FIZ1: variants seen among roughly 807,000 people sequenced by gnomAD.
The protein encoded by FIZ1 is FLT3 interacting zinc finger 1, also known as flt3-interacting zinc finger protein 1.
FIZ1 carries 2 observed loss-of-function variants against 5.3 expected under a neutral mutation model. The observed-to-expected ratio is 0.37, with a 90% CI of 0.15 to 1.18. The LOEUF (loss-of-function observed/expected upper bound fraction) is 1.18, where lower values mean the gene tolerates loss of function less well. Among genes scored for constraint, FIZ1 ranks in the 50% most tolerant of loss-of-function variants. FIZ1 has a pLI of 0.37. For missense variants in FIZ1, 631 were observed against 749.7 expected, an observed-to-expected ratio of 0.84 and a Z score of 1.85; for synonymous variants, 407 against 364.2, an observed-to-expected ratio of 1.12 and a Z score of -1.34.
chr19:55,598,174 G>A lies in FIZ1; in HGVS notation c.-36-273C>T, dbSNP rs573893615. 9.2e-5 allele frequency: 40 copies of A among 433,466 alleles called. 1 individual carries two copies. In the South Asian group the frequency reaches 1.3e-3, roughly 14 times the overall value. 26.9% of individuals were successfully genotyped at this position (433,466 alleles called of 1,614,324 possible). ...CTCTCCTCGCTCTTCGCCAATGCGC[G>A]GCCACTGCTCTCTGTGCCCCTCCCA... On this transcript the variant is annotated intron_variant, in intron 1 of 2. Coordinates refer to ENST00000221665, the MANE Select transcript of FIZ1 (RefSeq NM_032836.3).
rs538008947 is a variant in FIZ1 at position 55,595,114 on chromosome 19, CAGAG to C, written c.295-1472_295-1469del. On this transcript the variant is annotated intron_variant, in intron 2 of 2. Coordinates refer to ENST00000221665, the MANE Select transcript of FIZ1 (RefSeq NM_032836.3). ...TTGTTGATTTAAGATTTTGGAATAA[CAGAG>C]AGAGATTTGTGAGTATGGTAATGTC... 3.4e-4 allele frequency among the ~76,000 whole-genome samples: 51 copies of C among 152,228 alleles called. 2 individuals are homozygous for C. The South Asian group carries it at 9.3e-3, about 28-fold the overall frequency.
At chr19:55,594,398 C>CA (rs1209856747) in intron 2 of FIZ1, among the ~76,000 whole-genome samples, 6,443 of 63,600 alleles carry the variant, frequency 0.1, 327 homozygotes, top group Non-Finnish European at 0.14. Flanking sequence ...GACTCTGTCT[C>CA]AAAAAAAAAA....
chr19:55,595,152 G>A (rs1451521408), intron 2 of FIZ1, among the ~76,000 whole-genome samples: 3 of 152,166 alleles, frequency 2.0e-5, no homozygotes, highest in Non-Finnish European at 2.9e-5. Context: ...TCTTCCTGGA[G>A]GCCTGTGAGG....
In FIZ1 at chr19:55,592,522, G is replaced by A. The variant is rs1264856731; in HGVS notation, c.1419C>T (p.His473=). 3 of 1,605,072 alleles carry A rather than the reference G, an allele frequency of 1.9e-6. No individual in the cohort carries two copies. The highest frequency in any genetic ancestry group is 1.7e-6 in the Non-Finnish European group (2 of 1,176,168). ...LHGTERPFPC[H]ICGKGFITLS... ...GCGTGATGAAGCCCTTGCCGCAGAT[G>A]TGGCAAGGGAAGGGCCGCTCGGTGC... The change falls in exon 3 of 3, where the codon CAC becomes CAT. Residue 473 remains histidine, a synonymous_variant. Transcript: ENST00000221665. This position sits in a 1 kb window ranked among gnomAD's most constrained non-coding sequence, Gnocchi z 6.9.
chr19:55,592,257 T>C lies in FIZ1; in HGVS notation c.*193A>G. ...GCCCCAGCTAAGGACCCTGTTTGTTTGTGGTCCCCCAGCTCCGGGGCCTTT... is the reference window on the plus strand; with the variant it reads ...GCCCCAGCTAAGGACCCTGTTTGTTCGTGGTCCCCCAGCTCCGGGGCCTTT... On this transcript the variant is annotated 3_prime_UTR_variant, in exon 3 of 3. Transcript: ENST00000221665. This position sits in a 1 kb window ranked among gnomAD's most constrained non-coding sequence, Gnocchi z 6.9. 1.6e-6 allele frequency: 1 copy of C among 615,832 alleles called. No homozygotes were observed. Among genetic ancestry groups the C allele is most frequent in the Non-Finnish European group, 2.7e-6 (1 of 365,550 alleles). 38.1% of individuals were successfully genotyped at this position (615,832 alleles called of 1,614,324 possible).
At position 55,593,376 on chromosome 19, in the gene FIZ1, C is replaced by T. The variant is rs1177315704; in HGVS notation, c.565G>A (p.Ala189Thr). Residue 189 changes from alanine to threonine, a missense_variant, in exon 3 of 3, where the codon GCG (alanine) becomes ACG (threonine). Around this residue, in one of 4 missense-constraint regions of FIZ1, gnomAD observed 463 missense variants for 455.1 expected, o/e 1.02. Transcript: ENST00000221665. This position sits in a 1 kb window ranked among gnomAD's most constrained non-coding sequence, Gnocchi z 6.3. ...AAGGAGGCCGCGGCCGCAGCTGCCG[C>T]CTCTGCCAGCCCCCAGCTGCCCAGA... ...AGLGSWGLAEAAAAAAASLPP... is the reference protein window; with the variant it reads ...AGLGSWGLAETAAAAAASLPP... 7.3e-7 allele frequency: 1 copy of T among 1,374,842 alleles called. No homozygotes were observed. The highest frequency in any genetic ancestry group is 1.5e-5 in the African/African-American group (1 of 64,730). The allele number at this position is 1,374,842 out of a possible 1,614,324, so 85.2% of individuals were successfully genotyped here.
At chr19:55,597,428 G>C (rs1001117180) in intron 2 of FIZ1, 144 bp downstream of exon 2, 1 of 1,415,220 alleles carries the variant, frequency 7.1e-7, no homozygotes, top group African/African-American at 1.4e-5. Context: ...TGCTTTGGTA[G>C]GGAGGGAGGG....
Position 55,593,433 on chromosome 19 carries a change from C to T in FIZ1, c.508G>A (p.Gly170Ser), listed in dbSNP as rs2123552305. The T allele has an allele frequency of 2.0e-6, 3 of 1,528,574 alleles. No homozygotes were observed. Among genetic ancestry groups the T allele is most frequent in the African/African-American group, 1.4e-5 (1 of 71,498 alleles). 94.7% of individuals were successfully genotyped at this position (1,528,574 alleles called of 1,614,324 possible). The change falls in exon 3 of 3, where the codon GGC (glycine) becomes AGC (serine). Residue 170 changes from glycine (G) to serine (S), a missense_variant. Around this residue, in one of 4 missense-constraint regions of FIZ1, gnomAD observed 463 missense variants for 455.1 expected, o/e 1.02. Transcript: ENST00000221665. The surrounding 1 kb of genome is among the most constrained non-coding windows in gnomAD (Gnocchi z 6.3). ...CCTGCCCCCTCGGGGCCCTCTCCGC[C>T]GCCGGCCCCTGAGCCCCCGCACACC... ...CSVCGGSGAG[G>S]GEGPEGAGAG...
chr19:55,594,083 G>C (rs1980193948), intron 2 of FIZ1, among the ~76,000 whole-genome samples: 3 of 151,224 alleles, frequency 2.0e-5, no homozygotes, highest in African/African-American at 4.9e-5. Context: ...GTGAGACTGT[G>C]TCTCAAAAAA....
chr19:55,596,235 G>C (rs889386034), intron 2 of FIZ1, among the ~76,000 whole-genome samples: 1 of 152,118 alleles, frequency 6.6e-6, no homozygotes, highest in Non-Finnish European at 1.5e-5. Flanking sequence ...TGGATGTGAG[G>C]GAGAGAGACA....
chr19:55,592,901 CTG>C lies in FIZ1; in HGVS notation c.1038_1039del (p.His348ProfsTer35). On this transcript the variant is annotated frameshift_variant, in exon 3 of 3. Coordinates refer to ENST00000221665, the MANE Select transcript of FIZ1 (RefSeq NM_032836.3). LOFTEE classifies it low-confidence loss of function (END_TRUNC). This position sits in a 1 kb window ranked among gnomAD's most constrained non-coding sequence, Gnocchi z 6.9. ...CGGGCCCGAGTGGGCCTCCAGGTGA[CTG>C]GCCAGGGCCGCGGCCGACGCAAAGA... 6.5e-7 allele frequency: 1 copy of C among 1,540,970 alleles called. No individual in the cohort carries two copies. The highest frequency in any genetic ancestry group is 8.7e-7 in the Non-Finnish European group (1 of 1,150,884).
At position 55,597,817 on chromosome 19, in the gene FIZ1, C is replaced by T. The variant is rs904017293; in HGVS notation, c.49G>A (p.Ala17Thr). Residue 17 changes from alanine (A) to threonine (T), a missense_variant, in exon 2 of 3, where the codon GCC becomes ACC. Physicochemically the swap from Ala to Thr is moderately conservative, Grantham distance 58. Coordinates refer to ENST00000221665, the MANE Select transcript of FIZ1 (RefSeq NM_032836.3). ...CAGTGAAACGGGACCCTGGGGGCGG[C>T]AGCGGCGGGCGGTGCTGGTGCAGGG... ...PTPAPAPPAA[A>T]APRVPFHCSE... 5 of 1,611,408 alleles carry T rather than the reference C, an allele frequency of 3.1e-6. No homozygotes were observed. The African/African-American group carries it at 5.4e-5, about 17-fold the overall frequency.
At position 55,592,299 on chromosome 19, in the gene FIZ1, C is replaced by T; in HGVS notation, c.*151G>A. The stretch of plus-strand genomic sequence containing the variant: ...GGGGCCTTTGTGGGTTTTTGGTGGC[C>T]CCCACCTCTCCAGTCAGGGTCCCCT... On this transcript the variant is annotated 3_prime_UTR_variant, in exon 3 of 3. Coordinates refer to ENST00000221665, the MANE Select transcript of FIZ1 (RefSeq NM_032836.3). This position sits in a 1 kb window ranked among gnomAD's most constrained non-coding sequence, Gnocchi z 6.9. 3 of 841,674 alleles carry T rather than the reference C, an allele frequency of 3.6e-6. No individual in the cohort carries two copies. Among genetic ancestry groups the T allele is most frequent in the Non-Finnish European group, 3.5e-6 (2 of 567,696 alleles). 52.1% of individuals were successfully genotyped at this position (841,674 alleles called of 1,614,324 possible). A position where few individuals can be genotyped will look rare whatever the true frequency, so the allele number is the denominator to read the frequency against.
chr19:55,593,257 G>T lies in FIZ1; in HGVS notation c.684C>A (p.Phe228Leu). 1.6e-6 allele frequency: 2 copies of T among 1,274,072 alleles called. No homozygotes were observed. The highest frequency in any genetic ancestry group is 1.0e-6 in the Non-Finnish European group (1 of 1,001,932). The allele number at this position is 1,274,072 out of a possible 1,614,324, so 78.9% of individuals were successfully genotyped here. The change falls in exon 3 of 3, where the codon TTC (phenylalanine) becomes TTA (leucine). Residue 228 changes from phenylalanine (F) to leucine (L), a missense_variant. Transcript: ENST00000221665. The surrounding 1 kb of genome is among the most constrained non-coding windows in gnomAD (Gnocchi z 6.3). ...AGTCGCGCTCGCAGCGCGGGCACTT[G>T]AAGGGCTTCACGTCGGTGTGCGCCG... Reference protein sequence around the residue: ...HWAAHTDVKPFKCPRCERDFN... With the variant: ...HWAAHTDVKPLKCPRCERDFN...
Position 55,592,164 on chromosome 19 carries a change from T to C in FIZ1, c.*286A>G. The stretch of plus-strand genomic sequence containing the variant: ...TGCAAAGTCCCCATGTCTTGGGGAC[T>C]TACGGCTACCCACACTCATTCCAGG... On this transcript the variant is annotated 3_prime_UTR_variant, in exon 3 of 3. Transcript: ENST00000221665. The surrounding 1 kb of genome is among the most constrained non-coding windows in gnomAD (Gnocchi z 6.9). The C allele has an allele frequency of 2.2e-6, 1 of 459,620 alleles. No homozygotes were observed. Among genetic ancestry groups the C allele is most frequent in the Non-Finnish European group, 3.8e-6 (1 of 260,094 alleles). The allele number at this position is 459,620 out of a possible 1,614,324, so 28.5% of individuals were successfully genotyped here. A position where few individuals can be genotyped will look rare whatever the true frequency, so the allele number is the denominator to read the frequency against.
rs1242141922 is a variant in FIZ1 at position 55,591,619 on chromosome 19, GCGTGGACCGGTC to G, written c.*819_*830del. The G allele has an allele frequency of 6.6e-6, 1 of 152,370 alleles. No individual in the cohort carries two copies. Among genetic ancestry groups the G allele is most frequent in the African/African-American group, 2.4e-5 (1 of 41,432 alleles). The allele number at this position is 152,370 out of a possible 1,614,324, so 9.4% of individuals were successfully genotyped here. On this transcript the variant is annotated 3_prime_UTR_variant, in exon 3 of 3. Transcript: ENST00000221665. The stretch of plus-strand genomic sequence containing the variant: ...AGATGAGTTCACAGGATAAAGAATT[GCGTGGACCGGTC>G]CACACGCTACAGGAAAAGAGAGGAG...
Position 55,592,584 on chromosome 19 carries a change from G to A in FIZ1, c.1357C>T (p.His453Tyr). ...PCLECGKFFR[H>Y]ECYLKRHRLL... ...CGGTGGCGCTTGAGGTAGCACTCGT[G>A]GCGGAAGAACTTGCCGCACTCCAGG... is the stretch of plus-strand genomic sequence containing the variant. Residue 453 changes from histidine to tyrosine, a missense_variant, in exon 3 of 3, where the codon CAC becomes TAC. Physicochemically the swap from His to Tyr is moderately conservative, Grantham distance 83 (BLOSUM62 2). Coordinates refer to ENST00000221665, the MANE Select transcript of FIZ1 (RefSeq NM_032836.3). The surrounding 1 kb of genome is among the most constrained non-coding windows in gnomAD (Gnocchi z 6.9). The A allele has an allele frequency of 6.2e-7, 1 of 1,613,222 alleles. No homozygotes were observed. Among genetic ancestry groups the A allele is most frequent in the Non-Finnish European group, 8.5e-7 (1 of 1,179,690 alleles).
chr19:55,596,249 A>C (rs1980320896), intron 2 of FIZ1, among the ~76,000 whole-genome samples: 1 of 152,116 alleles, frequency 6.6e-6, no homozygotes, highest in Non-Finnish European at 1.5e-5. Context: ...AGAGACAGGA[A>C]GGAGGGAGAC....
At position 55,592,834 on chromosome 19, in the gene FIZ1, C is replaced by G; in HGVS notation, c.1107G>C (p.Ala369=). The G allele has an allele frequency of 2.6e-6, 4 of 1,566,350 alleles. No homozygotes were observed. Among genetic ancestry groups the G allele is most frequent in the Non-Finnish European group, 3.4e-6 (4 of 1,161,608 alleles). Residue 369 remains alanine (A), a synonymous_variant, in exon 3 of 3, where the codon GCG becomes GCC. Coordinates refer to ENST00000221665, the MANE Select transcript of FIZ1 (RefSeq NM_032836.3). The surrounding 1 kb of genome is among the most constrained non-coding windows in gnomAD (Gnocchi z 6.9). ...GCCGGTGCTCCTCCAAGGCGGCCAGCGCCGCGTACAGAGCCCCGCAGTGGC... is the reference window on the plus strand; with the variant it reads ...GCCGGTGCTCCTCCAAGGCGGCCAGGGCCGCGTACAGAGCCCCGCAGTGGC... ...GCGHCGALYA[A]LAALEEHRRV... is the part of the protein sequence containing the mutation.
Sources: gnomAD v4.1 joint callset for allele counts (sites outside exome capture counted in the v4.1 genomes callset) on GRCh38, gnomAD v4.1.1 for gene constraint, gnomAD v4.1.1 regional missense constraint, Gnocchi (gnomAD v3.1) non-coding constraint, MANE v1.5 for transcripts, NCBI Gene and HGNC (gene_info 2026-07-23, HGNC 2026-07-21) for gene names.